The following CABP1 variants were observed in gnomAD, a reference collection of about 807,000 sequenced individuals.
The protein encoded by CABP1 is calcium-binding protein 1.
Under a neutral mutation model 34.3 loss-of-function variants are expected in CABP1, and 17 were observed. The observed-to-expected ratio is 0.50, with a 90% CI of 0.34 to 0.74. CABP1 has a LOEUF of 0.74. Ranked by LOEUF, CABP1 falls within the 30% of genes least tolerant of loss-of-function variation. CABP1 has a pLI of 0.01. For missense variants in CABP1, 373 were observed against 511.1 expected, an observed-to-expected ratio of 0.73 and a Z score of 2.61; for synonymous variants, 198 against 229.2, an observed-to-expected ratio of 0.86 and a Z score of 1.23.
At chr12:120,649,235 C>A (rs1056422429) in intron 1 of CABP1, among the ~76,000 whole-genome samples, 1 of 152,174 alleles carries the variant, frequency 6.6e-6, no homozygotes, top group Admixed American at 6.5e-5. Flanking sequence ...CCCCACCCAT[C>A]TTCCTAACAG....
chr12:120,667,448 A>G (rs564780206), downstream of CABP1: 1 of 159,294 alleles, frequency 6.3e-6, no homozygotes, highest in East Asian at 1.9e-4. Flanking sequence ...TTGTTTATTT[A>G]TTTATTTCGA....
intron 1 of CABP1, among the ~76,000 whole-genome samples, chr12:120,642,994 T>TC (rs1565993342): frequency 1.4e-4 from 1 of 7,322 alleles, no homozygotes; most frequent in African/African-American, 2.2e-3. Flanking sequence ...ACTCAGCTCC[T>TC]GAAAAAAAAA....
At chr12:120,654,590 T>A (rs1880046678) in intron 1 of CABP1, among the ~76,000 whole-genome samples, 1 of 152,154 alleles carries the variant, frequency 6.6e-6, no homozygotes, top group African/African-American at 2.4e-5. Flanking sequence ...CTTGGGAAGG[T>A]CCTACTCTAG....
chr12:120,678,794 G>A, the CABP1 span, among the ~76,000 whole-genome samples: 3 of 152,082 alleles, frequency 2.0e-5, no homozygotes, highest in East Asian at 3.9e-4. Context: ...CATCCTGGAC[G>A]GGCGTGGTGA....
At chr12:120,667,445 T>C (rs544806444), downstream of CABP1, 1 of 156,896 alleles carries the variant, frequency 6.4e-6, no homozygotes, top group South Asian at 1.8e-4. Flanking sequence ...TGTTTGTTTA[T>C]TTATTTATTT....
Position 120,660,047 on chromosome 12 carries a change from G to A in CABP1, c.685+139G>A, listed in dbSNP as rs147333683. On this transcript the variant is annotated intron_variant, in intron 2 of 5. Transcript: ENST00000316803. This position sits in a 1 kb window ranked among gnomAD's most constrained non-coding sequence, Gnocchi z 5.0. ...TCTTCTGTGAAACCAGCTGCTGAAG[G>A]TGTGCACAGGAGGCAAGAGAAATGC... is the stretch of plus-strand genomic sequence containing the variant. 27 of 1,275,948 alleles carry A rather than the reference G, an allele frequency of 2.1e-5. No homozygotes were observed. The African/African-American group carries it at 2.4e-4, about 11-fold the overall frequency. The allele number at this position is 1,275,948 out of a possible 1,614,324, so 79.0% of individuals were successfully genotyped here.
chr12:120,676,159 A>G, the CABP1 span, among the ~76,000 whole-genome samples: 1 of 152,332 alleles, frequency 6.6e-6, no homozygotes, highest in South Asian at 2.1e-4. Flanking sequence ...GCCACTAGCC[A>G]TATGTGACTA....
chr12:120,659,749 G>A, intron 1 of CABP1, 129 bp from the exon 2 acceptor site: 1 of 756,886 alleles, frequency 1.3e-6, no homozygotes. Context: ...CCTGATCCAG[G>A]CACACCTGTG....
At chr12:120,653,150 T>C (rs1449679983) in intron 1 of CABP1, among the ~76,000 whole-genome samples, 1 of 152,184 alleles carries the variant, frequency 6.6e-6, no homozygotes, top group African/African-American at 2.4e-5. Context: ...GATTGGCAGA[T>C]GCTCCCCCAC....
rs1297232502 is a variant in CABP1, at chr12:120,641,110, A to G, written c.425A>G (p.His142Arg). Residue 142 changes from histidine (H) to arginine (R), a missense_variant, in exon 1 of 6, where the codon CAC becomes CGC. This residue lies in a region of CABP1 where 121 missense variants were observed against 125.5 expected (regional missense o/e 0.96). Coordinates refer to ENST00000316803, the MANE Select transcript of CABP1 (RefSeq NM_001033677.2). This position sits in a 1 kb window ranked among gnomAD's most constrained non-coding sequence, Gnocchi z 6.7. ...AGCCAGCGTGTGCTCCCCCAGGCGC[A>G]CTGCAGGCCCCGGGAGGCGCTGCCG... Reference protein sequence around the residue: ...RGSQRVLPQAHCRPREALPAA... With the variant: ...RGSQRVLPQARCRPREALPAA... 1.2e-5 allele frequency: 15 copies of G among 1,219,634 alleles called. No homozygotes were observed. The highest frequency in any genetic ancestry group is 1.6e-5 in the African/African-American group (1 of 63,316). 75.6% of individuals were successfully genotyped at this position (1,219,634 alleles called of 1,614,324 possible). A position where few individuals can be genotyped will look rare whatever the true frequency, so the allele number is the denominator to read the frequency against.
At chr12:120,666,841 T>C in intron 5 of CABP1, 34 bp from the exon 6 acceptor site, 1 of 1,593,990 alleles carries the variant, frequency 6.3e-7, no homozygotes, top group Non-Finnish European at 8.5e-7. Context: ...CTCTGGCTGC[T>C]GCTTGCTCCC....
At chr12:120,673,453 AGG>A in the CABP1 span, among the ~76,000 whole-genome samples, 2 of 152,018 alleles carry the variant, frequency 1.3e-5, no homozygotes, top group Non-Finnish European at 2.9e-5. Context: ...GCATGGTGGC[AGG>A]CACCTGCAGT....
In CABP1 at chr12:120,661,363, C is replaced by A; in HGVS notation, c.1087+145C>A. ...TCATCCTCTTATCCCTCCGTCCATG[C>A]CCCCGTCTAATCCATCTCCCATCCC... On this transcript the variant is annotated intron_variant, in intron 5 of 5. Transcript: ENST00000316803. This position sits in a 1 kb window ranked among gnomAD's most constrained non-coding sequence, Gnocchi z 5.1. The A allele has an allele frequency of 1.2e-6, 1 of 818,716 alleles. No individual in the cohort carries two copies. The highest frequency in any genetic ancestry group is 1.9e-6 in the Non-Finnish European group (1 of 535,714). 50.7% of individuals were successfully genotyped at this position (818,716 alleles called of 1,614,324 possible).
chr12:120,659,494 G>GT (rs11396469), intron 1 of CABP1: 10,714 of 162,044 alleles, frequency 0.066, 772 homozygotes, highest in African/African-American at 0.2. Flanking sequence ...TTCTTTTTTT[G>GT]TTTTTTTTTT....
Position 120,661,070 on chromosome 12 carries a change from G to A in CABP1, c.940-1G>A. The A allele has an allele frequency of 6.2e-7, 1 of 1,611,900 alleles. No homozygotes were observed. On this transcript the variant is annotated splice_acceptor_variant, in intron 4 of 5. Transcript: ENST00000316803. LOFTEE classifies it high-confidence loss of function. This position sits in a 1 kb window ranked among gnomAD's most constrained non-coding sequence, Gnocchi z 5.1. ...CTCTCCTTCCTTCCTGCCTTCTCTAGTTTGACACCAATGGTGATGGGGAAA... is the reference window on the plus strand; with the variant it reads ...CTCTCCTTCCTTCCTGCCTTCTCTAATTTGACACCAATGGTGATGGGGAAA...
chr12:120,655,466 C>G (rs1050289994), intron 1 of CABP1: 1 of 968,150 alleles, frequency 1.0e-6, no homozygotes, highest in Non-Finnish European at 1.3e-6. Context: ...CCACTTTGCC[C>G]CAGTCCCCAC....
rs945763849 is a variant in CABP1 at position 120,640,903 on chromosome 12, AGGCGGCGGC to A, written c.229_237del (p.Ala77_Ala79del). On this transcript the variant is annotated inframe_deletion, in exon 1 of 6. Transcript: ENST00000316803. The surrounding 1 kb of genome is among the most constrained non-coding windows in gnomAD (Gnocchi z 6.2). ...AGCGAGTCCAAGACGTCGCTGCTGA[AGGCGGCGGC>A]GGCGGCGGCGAGCGGGGGCAGCCGG... is the stretch of plus-strand genomic sequence containing the variant. 2 of 1,097,746 alleles carry A rather than the reference AGGCGGCGGC, an allele frequency of 1.8e-6. No individual in the cohort carries two copies. Among genetic ancestry groups the A allele is most frequent in the Non-Finnish European group, 2.2e-6 (2 of 903,576 alleles). The allele number at this position is 1,097,746 out of a possible 1,614,324, so 68.0% of individuals were successfully genotyped here.
At chr12:120,645,197 C>G (rs115592995) in intron 1 of CABP1, among the ~76,000 whole-genome samples, 2,198 of 152,244 alleles carry the variant, frequency 0.014, 59 homozygotes, top group African/African-American at 0.05. Flanking sequence ...AGGGCTGTGT[C>G]TATTCCTCAC....
intron 1 of CABP1, chr12:120,659,590 C>G (rs1443650052): frequency 2.7e-6 from 1 of 370,270 alleles, no homozygotes; most frequent in Non-Finnish European, 4.9e-6. Context: ...CTCCTGCTGA[C>G]CCATTCTTGT....
Sources: allele counts gnomAD v4.1 joint callset (sites outside exome capture counted in the v4.1 genomes callset), GRCh38; gene constraint gnomAD v4.1.1; regional missense constraint gnomAD v4.1.1; non-coding constraint Gnocchi (gnomAD v3.1); transcripts MANE v1.5; gene names NCBI Gene and HGNC (gene_info 2026-07-23, HGNC 2026-07-21).